The following GRIK2 variants were observed in gnomAD, a reference collection of about 807,000 sequenced individuals.
GRIK2 encodes glutamate receptor ionotropic, kainate 2.
In GRIK2, 32 loss-of-function variants were observed where a neutral mutation model predicts 100.3. That is an observed-to-expected ratio of 0.32 (90% confidence interval 0.24 to 0.43). The LOEUF (loss-of-function observed/expected upper bound fraction) is 0.43, where lower values mean the gene tolerates loss of function less well. Ranked by LOEUF, GRIK2 falls within the 20% of genes least tolerant of loss-of-function variation. The pLI, the probability that GRIK2 is intolerant of heterozygous loss-of-function variation, is 1.00. For missense variants in GRIK2, 843 were observed against 1,114.9 expected (o/e 0.76, Z 3.47); for synonymous variants, 417 against 389.4 (o/e 1.07, Z -0.83).
rs149942515 is a variant in GRIK2 at position 101,604,779 on chromosome 6, A to T, written c.116-17170A>T. ...TTTTTCCTGCTCTTTGCTAAGCAAG[A>T]TATGATATCTTATTTTCTTCGTAGT... On this transcript the variant is annotated intron_variant, in intron 2 of 16. Coordinates refer to ENST00000369134, the MANE Select transcript of GRIK2 (RefSeq NM_021956.5). 2.4e-3 allele frequency among the ~76,000 whole-genome samples: 358 copies of T among 152,098 alleles called. 3 individuals are homozygous for T. The highest frequency in any genetic ancestry group is 8.1e-3 in the African/African-American group (335 of 41,568).
At chr6:101,672,805 A>G (rs1770540356) in intron 4 of GRIK2, among the ~76,000 whole-genome samples, 1 of 152,178 alleles carries the variant, frequency 6.6e-6, no homozygotes, top group African/African-American at 2.4e-5. Flanking sequence ...GTAGCATTCC[A>G]TGGTGTATAT....
chr6:101,950,985 C>T (rs1439453097), intron 14 of GRIK2, among the ~76,000 whole-genome samples: 3 of 152,060 alleles, frequency 2.0e-5, no homozygotes, highest in South Asian at 2.1e-4. Flanking sequence ...AAAGTTTAAG[C>T]GTCATTGTAG....
chr6:101,735,017 GT>G (rs1158972240), intron 7 of GRIK2, among the ~76,000 whole-genome samples: 1 of 152,166 alleles, frequency 6.6e-6, no homozygotes, highest in Non-Finnish European at 1.5e-5. Context: ...ATCAATAATG[GT>G]GGCCAGTGGC....
chr6:101,760,626 TTAATTATATA>T lies in GRIK2; in HGVS notation c.952-39002_952-38993del, dbSNP rs1251508065. Among the ~76,000 whole-genome samples, 235 of 113,164 alleles carry T rather than the reference TTAATTATATA, an allele frequency of 2.1e-3. 13 individuals carry two copies. Among genetic ancestry groups the T allele is most frequent in the Admixed American group, 3.5e-3 (31 of 8,810 alleles). 74.2% of individuals were successfully genotyped at this position (113,164 alleles called of 152,430 possible). A position where few individuals can be genotyped will look rare whatever the true frequency, so the allele number is the denominator to read the frequency against. ...TATATAATTATATTTAATTATATGT[TTAATTATATA>T]TAATTATATATAATTATATGTTTAA... On this transcript the variant is annotated intron_variant, in intron 7 of 16. Coordinates refer to ENST00000369134, the MANE Select transcript of GRIK2 (RefSeq NM_021956.5).
At chr6:101,857,958 T>C (rs1227480210) in intron 10 of GRIK2, among the ~76,000 whole-genome samples, 2 of 152,176 alleles carry the variant, frequency 1.3e-5, no homozygotes, top group South Asian at 2.1e-4. Context: ...CAATATTATG[T>C]TGGTCTCAGG....
intron 14 of GRIK2, among the ~76,000 whole-genome samples, chr6:101,954,120 C>T (rs1791765254): frequency 6.6e-6 from 1 of 152,086 alleles, no homozygotes; most frequent in Non-Finnish European, 1.5e-5. Flanking sequence ...GTATGTCTAT[C>T]CATATCTACA....
At chr6:101,891,857 AT>A (rs1195695643) in intron 12 of GRIK2, among the ~76,000 whole-genome samples, 1 of 152,062 alleles carries the variant, frequency 6.6e-6, no homozygotes, top group African/African-American at 2.4e-5. Flanking sequence ...CAGCCTTCAC[AT>A]TTTTTATCAT....
At chr6:101,550,732 A>C (rs1358741343) in intron 2 of GRIK2, among the ~76,000 whole-genome samples, 1 of 152,174 alleles carries the variant, frequency 6.6e-6, no homozygotes, top group Non-Finnish European at 1.5e-5. Flanking sequence ...ATGTGCCTGC[A>C]TATACACTGA....
At chr6:101,692,745 A>G (rs946124976) in intron 7 of GRIK2, among the ~76,000 whole-genome samples, 2 of 152,106 alleles carry the variant, frequency 1.3e-5, no homozygotes, top group Non-Finnish European at 2.9e-5. Context: ...ACATTTCACA[A>G]AATTTATTAA....
chr6:101,757,475 A>G (rs1374988269), intron 7 of GRIK2, among the ~76,000 whole-genome samples: 1 of 152,196 alleles, frequency 6.6e-6, no homozygotes, highest in East Asian at 1.9e-4. Context: ...GAAGCACTCT[A>G]CATGCATTAT....
At chr6:101,440,009 C>T (rs943484090) in intron 2 of GRIK2, among the ~76,000 whole-genome samples, 11 of 151,960 alleles carry the variant, frequency 7.2e-5, no homozygotes, top group African/African-American at 2.7e-4. Context: ...GGAAGATGAC[C>T]ACTTCGGTGA....
intron 11 of GRIK2, among the ~76,000 whole-genome samples, 168 bp downstream of exon 11, chr6:101,859,661 C>T (rs1219873145): frequency 1.3e-5 from 2 of 152,090 alleles, no homozygotes; most frequent in Non-Finnish European, 1.5e-5. Context: ...TGTAAAGAAT[C>T]TAAGAGGGAT....
At chr6:101,607,905 C>A (rs1401798513) in intron 2 of GRIK2, among the ~76,000 whole-genome samples, 4 of 151,766 alleles carry the variant, frequency 2.6e-5, no homozygotes, top group African/African-American at 2.4e-5. Context: ...GGAACCTTTG[C>A]CCATTCTTCT....
chr6:101,596,460 T>G (rs2128308386), intron 2 of GRIK2, among the ~76,000 whole-genome samples: 2 of 151,744 alleles, frequency 1.3e-5, no homozygotes, highest in East Asian at 3.9e-4. Flanking sequence ...CAACTCTGTA[T>G]TGTATGGTTG....
intron 2 of GRIK2, among the ~76,000 whole-genome samples, chr6:101,535,023 G>A (rs572467033): frequency 5.3e-5 from 8 of 151,564 alleles, no homozygotes; most frequent in South Asian, 4.2e-4. Flanking sequence ...CATCATTAAC[G>A]TATTGCTTAT....
intron 14 of GRIK2, among the ~76,000 whole-genome samples, chr6:101,982,070 C>A (rs1793744337): frequency 6.6e-6 from 1 of 151,808 alleles, no homozygotes; most frequent in South Asian, 2.1e-4. Context: ...CTATTTGAAG[C>A]CAAATATGAA....
chr6:101,826,645 A>G (rs1410647632), intron 10 of GRIK2, among the ~76,000 whole-genome samples: 1 of 152,046 alleles, frequency 6.6e-6, no homozygotes, highest in African/African-American at 2.4e-5. Flanking sequence ...AGTACATTTG[A>G]TTGATTCAAA....
chr6:101,569,485 A>G (rs1777435193), intron 2 of GRIK2, among the ~76,000 whole-genome samples: 1 of 151,900 alleles, frequency 6.6e-6, no homozygotes. Flanking sequence ...ATTTATAAAT[A>G]TAAATATTAT....
intron 10 of GRIK2, among the ~76,000 whole-genome samples, chr6:101,829,519 T>G (rs1202403848): frequency 6.6e-6 from 1 of 151,998 alleles, no homozygotes; most frequent in Non-Finnish European, 1.5e-5. Context: ...CAAGGACTCA[T>G]AGACCTGATA....
Sources: gnomAD v4.1 joint callset for allele counts (sites outside exome capture counted in the v4.1 genomes callset) on GRCh38, gnomAD v4.1.1 for gene constraint, MANE v1.5 for transcripts, NCBI Gene and HGNC (gene_info 2026-07-23, HGNC 2026-07-21) for gene names.